Variants in ANO3 observed in about 807,000 individuals in gnomAD.
The protein encoded by ANO3 is anoctamin 3.
Under a neutral mutation model 144.8 loss-of-function variants are expected in ANO3, and 99 were observed. The observed-to-expected ratio is 0.68, with a 90% CI of 0.58 to 0.81. The LOEUF is 0.81. Ranked by LOEUF, ANO3 falls within the 30% of genes least tolerant of loss-of-function variation. ANO3 has a pLI of 0.00. For synonymous variants in ANO3, 414 were observed against 392.6 expected (o/e 1.05, Z -0.64); for missense variants, 905 against 1,202.2 (o/e 0.75, Z 3.66).
At chr11:26,337,972 C>T (rs1469296521) in intron 1 of ANO3, among the ~76,000 whole-genome samples, 1 of 151,956 alleles carries the variant, frequency 6.6e-6, no homozygotes, top group Non-Finnish European at 1.5e-5. Flanking sequence ...GTAATGTAGT[C>T]GTACCTTGTT....
At chr11:26,446,990 G>A (rs2134030317) in intron 3 of ANO3, among the ~76,000 whole-genome samples, 1 of 152,188 alleles carries the variant, frequency 6.6e-6, no homozygotes, top group African/African-American at 2.4e-5. Flanking sequence ...CAGGAGGACT[G>A]CTTAAGCCCA....
At chr11:26,357,137 T>G (rs1855804312) in intron 1 of ANO3, among the ~76,000 whole-genome samples, 1 of 152,222 alleles carries the variant, frequency 6.6e-6, no homozygotes, top group Non-Finnish European at 1.5e-5. Flanking sequence ...GATGGTCATT[T>G]CCGTTGTTTC....
chr11:26,624,082 G>C (rs931894695), intron 17 of ANO3, among the ~76,000 whole-genome samples: 1 of 152,122 alleles, frequency 6.6e-6, no homozygotes, highest in Admixed American at 6.5e-5. Context: ...CACCGCGCCC[G>C]GCCAAAAAAC....
At chr11:26,292,598 G>T (rs763994065) in intron 1 of ANO3, among the ~76,000 whole-genome samples, 19 of 152,110 alleles carry the variant, frequency 1.2e-4, no homozygotes, top group Non-Finnish European at 2.4e-4. Flanking sequence ...TGAGGTTTTG[G>T]TGTGGGTGTC....
At chr11:26,395,870 G>A (rs1482821869) in intron 1 of ANO3, among the ~76,000 whole-genome samples, 1 of 152,084 alleles carries the variant, frequency 6.6e-6, no homozygotes, top group Non-Finnish European at 1.5e-5. Context: ...TACCATTCAG[G>A]ACATAGGCAT....
intron 14 of ANO3, among the ~76,000 whole-genome samples, chr11:26,582,432 A>G (rs1406050660): frequency 6.6e-6 from 1 of 152,320 alleles, no homozygotes; most frequent in South Asian, 2.1e-4. Flanking sequence ...TAGAGTCACA[A>G]GTTGTTCCAG....
intron 1 of ANO3, among the ~76,000 whole-genome samples, chr11:26,210,703 C>T (rs1452427058): frequency 5.3e-5 from 8 of 152,096 alleles, no homozygotes; most frequent in Non-Finnish European, 1.5e-5. Context: ...CTCCACATCC[C>T]TTGTAAGTTG....
intron 12 of ANO3, 149 bp from the exon 13 acceptor site, chr11:26,553,100 G>T: frequency 1.7e-6 from 1 of 597,058 alleles, no homozygotes; most frequent in African/African-American, 2.0e-5. Context: ...TCACACCACA[G>T]TGCCCACCAC....
intron 3 of ANO3, among the ~76,000 whole-genome samples, chr11:26,459,097 A>C (rs1859273059): frequency 6.6e-6 from 1 of 152,052 alleles, no homozygotes; most frequent in African/African-American, 2.4e-5. Flanking sequence ...CAAAAACCCC[A>C]CAGTGAGAAC....
At chr11:26,240,813 C>T (rs1202965120) in intron 1 of ANO3, among the ~76,000 whole-genome samples, 2 of 152,140 alleles carry the variant, frequency 1.3e-5, no homozygotes, top group African/African-American at 4.8e-5. Flanking sequence ...TCTTATTACA[C>T]TTGAATATTC....
At chr11:26,582,042 A>C (rs1462081730) in intron 14 of ANO3, among the ~76,000 whole-genome samples, 1 of 152,162 alleles carries the variant, frequency 6.6e-6, no homozygotes, top group Non-Finnish European at 1.5e-5. Flanking sequence ...TATTATTCTC[A>C]TATTAAGTAG....
chr11:26,191,262 G>A (rs1194157780), intron 1 of ANO3, among the ~76,000 whole-genome samples: 3 of 149,980 alleles, frequency 2.0e-5, no homozygotes, highest in Non-Finnish European at 3.0e-5. Context: ...TGGGCAACAA[G>A]AGCAAAACTC....
chr11:26,653,990 A>T (rs1294888503), intron 24 of ANO3, among the ~76,000 whole-genome samples: 2 of 152,090 alleles, frequency 1.3e-5, no homozygotes, highest in Non-Finnish European at 2.9e-5. Context: ...GTATTTGTGG[A>T]TCAGTTTTTG....
intron 1 of ANO3, among the ~76,000 whole-genome samples, chr11:26,278,797 A>G (rs955154884): frequency 6.6e-6 from 1 of 151,972 alleles, no homozygotes; most frequent in African/African-American, 2.4e-5. Context: ...TAAGCACATT[A>G]TTTGTATTTG....
At chr11:26,204,099 G>A (rs952296518) in intron 1 of ANO3, among the ~76,000 whole-genome samples, 4 of 151,994 alleles carry the variant, frequency 2.6e-5, no homozygotes, top group Non-Finnish European at 5.9e-5. Flanking sequence ...GGTTTTTTTA[G>A]TGTTTTCTGG....
At chr11:26,420,276 G>A (rs1857714274) in intron 1 of ANO3, among the ~76,000 whole-genome samples, 2 of 151,928 alleles carry the variant, frequency 1.3e-5, no homozygotes, top group Non-Finnish European at 2.9e-5. Flanking sequence ...TTAAATTTTA[G>A]TCTCTGGTGG....
At chr11:26,348,432 TA>T (rs1855552314) in intron 1 of ANO3, among the ~76,000 whole-genome samples, 1 of 152,222 alleles carries the variant, frequency 6.6e-6, no homozygotes, top group Non-Finnish European at 1.5e-5. Context: ...TGGGTATCGA[TA>T]ATGGGCTTCT....
At chr11:26,443,586 C>T (rs970372284) in intron 2 of ANO3, among the ~76,000 whole-genome samples, 179 bp from the exon 3 acceptor site, 2 of 151,954 alleles carry the variant, frequency 1.3e-5, no homozygotes, top group Non-Finnish European at 2.9e-5. Context: ...TGAGTGACAG[C>T]GAGACTCCGT....
chr11:26,239,410 A>G (rs1382699435), intron 1 of ANO3, among the ~76,000 whole-genome samples: 2 of 152,060 alleles, frequency 1.3e-5, no homozygotes, highest in Non-Finnish European at 2.9e-5. Flanking sequence ...GTTCTCTACT[A>G]TTTATTGTAA....
Sources: gnomAD v4.1 joint callset for allele counts (sites outside exome capture counted in the v4.1 genomes callset) on GRCh38, gnomAD v4.1.1 for gene constraint, MANE v1.5 for transcripts, NCBI Gene and HGNC (gene_info 2026-07-23, HGNC 2026-07-21) for gene names.